LRRC69: variants seen among roughly 807,000 people sequenced by gnomAD.
LRRC69 encodes leucine rich repeat containing 69.
Under a neutral mutation model 37.8 loss-of-function variants are expected in LRRC69, and 42 were observed. That is an observed-to-expected ratio of 1.11 (90% CI 0.87 to 1.44). The LOEUF (loss-of-function observed/expected upper bound fraction) is 1.44. Among genes scored for constraint, LRRC69 ranks in the 40% most tolerant of loss-of-function variants. The pLI is 0.00. For missense variants in LRRC69, 357 were observed against 401.9 expected (o/e 0.89, Z 0.96); for synonymous variants, 141 against 143.1 (o/e 0.99, Z 0.11).
At chr8:91,168,369 C>T (rs1255674991) in intron 5 of LRRC69, among the ~76,000 whole-genome samples, 3 of 151,230 alleles carry the variant, frequency 2.0e-5, no homozygotes, top group Non-Finnish European at 4.4e-5. Flanking sequence ...ACCCCCATCT[C>T]CAGCCCTCCT....
At chr8:91,172,598 C>T (rs1356006662) in intron 5 of LRRC69, among the ~76,000 whole-genome samples, 1 of 152,002 alleles carries the variant, frequency 6.6e-6, no homozygotes, top group Non-Finnish European at 1.5e-5. Context: ...TCACCGCAAC[C>T]TCCACCTCCT....
chr8:91,175,801 G>C (rs1296246123), intron 5 of LRRC69, among the ~76,000 whole-genome samples: 1 of 124,078 alleles, frequency 8.1e-6, no homozygotes, highest in East Asian at 2.2e-4. Context: ...TGAGTAAGAC[G>C]TGACACCACC....
intron 1 of LRRC69, among the ~76,000 whole-genome samples, chr8:91,108,907 G>A (rs1266053005): frequency 6.6e-6 from 1 of 151,804 alleles, no homozygotes; most frequent in African/African-American, 2.4e-5. Flanking sequence ...GAGACTTCCC[G>A]TAACTCTTCC....
chr8:91,122,239 T>G (rs1054856208), intron 1 of LRRC69, among the ~76,000 whole-genome samples: 1 of 151,980 alleles, frequency 6.6e-6, no homozygotes, highest in Non-Finnish European at 1.5e-5. Context: ...TCACCATGAG[T>G]CTCACACTTC....
chr8:91,118,283 T>A (rs1341888999), intron 1 of LRRC69: 1 of 441,474 alleles, frequency 2.3e-6, no homozygotes, highest in Non-Finnish European at 4.5e-6. Flanking sequence ...GGCAGGCGGA[T>A]CACTTGAAAC....
intron 4 of LRRC69, among the ~76,000 whole-genome samples, chr8:91,135,227 C>T (rs540484276): frequency 5.3e-5 from 8 of 152,154 alleles, no homozygotes; most frequent in Admixed American, 2.6e-4. Context: ...TGCTGCCTAG[C>T]TGTAGGGAAT....
chr8:91,139,422 G>T (rs895382648), intron 5 of LRRC69, among the ~76,000 whole-genome samples: 3 of 151,764 alleles, frequency 2.0e-5, no homozygotes, highest in Non-Finnish European at 4.4e-5. Flanking sequence ...GGTGCCTGCA[G>T]TCCCAGCTAC....
intron 5 of LRRC69, chr8:91,158,060 A>G (rs1277729137): frequency 1.5e-6 from 2 of 1,367,212 alleles, no homozygotes; most frequent in African/African-American, 1.4e-5. Flanking sequence ...CATGACCACA[A>G]GGCCCTACTC....
At chr8:91,216,164 G>A (rs35331152) in intron 7 of LRRC69, among the ~76,000 whole-genome samples, 7,917 of 152,106 alleles carry the variant, frequency 0.052, 278 homozygotes, top group Middle Eastern at 0.16. Context: ...AACTAACAAC[G>A]GGCATTTAAT....
chr8:91,116,733 G>A (rs866857866), intron 1 of LRRC69, among the ~76,000 whole-genome samples: 1 of 151,926 alleles, frequency 6.6e-6, no homozygotes, highest in South Asian at 2.1e-4. Context: ...TAAGATCAGG[G>A]TTATTGCGAG....
chr8:91,172,037 T>A (rs895479785), intron 5 of LRRC69, among the ~76,000 whole-genome samples: 1 of 152,010 alleles, frequency 6.6e-6, no homozygotes, highest in African/African-American at 2.4e-5. Context: ...TATTCATACA[T>A]GCTTTGTAAT....
At chr8:91,185,524 AT>A (rs547514103) in intron 5 of LRRC69, among the ~76,000 whole-genome samples, 87 of 152,104 alleles carry the variant, frequency 5.7e-4, no homozygotes, top group African/African-American at 2.0e-3. Flanking sequence ...CTTTCTGACT[AT>A]TTTCCCTCCC....
intron 7 of LRRC69, among the ~76,000 whole-genome samples, chr8:91,204,964 C>T (rs991805391): frequency 2.6e-5 from 4 of 152,136 alleles, no homozygotes; most frequent in African/African-American, 7.2e-5. Flanking sequence ...ATACCCTTTA[C>T]CTAGAGTTGC....
At chr8:91,184,115 C>T (rs557323001) in intron 5 of LRRC69, among the ~76,000 whole-genome samples, 29 of 152,004 alleles carry the variant, frequency 1.9e-4, no homozygotes, top group South Asian at 6.2e-4. Context: ...CCATCTCTGC[C>T]AAAAATACAA....
intron 7 of LRRC69, among the ~76,000 whole-genome samples, chr8:91,216,494 C>G (rs2130655546): frequency 6.6e-6 from 1 of 152,140 alleles, no homozygotes; most frequent in Non-Finnish European, 1.5e-5. Context: ...GTTCTTGGCT[C>G]TATTAATTGT....
At chr8:91,136,673 G>A (rs1263714524) in intron 5 of LRRC69, among the ~76,000 whole-genome samples, 2 of 151,764 alleles carry the variant, frequency 1.3e-5, no homozygotes, top group Non-Finnish European at 2.9e-5. Flanking sequence ...CATTCCCTTT[G>A]TACACCTATT....
At chr8:91,210,084 G>A (rs1393857577) in intron 7 of LRRC69, among the ~76,000 whole-genome samples, 2 of 152,122 alleles carry the variant, frequency 1.3e-5, no homozygotes, top group African/African-American at 2.4e-5. Context: ...AACCAACAAC[G>A]ACTTTGGTGG....
chr8:91,135,560 A>C, intron 4 of LRRC69, 108 bp from the exon 5 acceptor site: 1 of 663,934 alleles, frequency 1.5e-6, no homozygotes, highest in South Asian at 2.1e-5. Context: ...CAGTGATTAG[A>C]AAAGATGGCC....
intron 5 of LRRC69, among the ~76,000 whole-genome samples, chr8:91,144,138 A>G (rs573404596): frequency 2.0e-5 from 3 of 152,048 alleles, no homozygotes; most frequent in Non-Finnish European, 4.4e-5. Flanking sequence ...TTGTCATTTT[A>G]AGGTTTGGTC....
Sources: gnomAD v4.1 joint callset for allele counts (sites outside exome capture counted in the v4.1 genomes callset) on GRCh38, gnomAD v4.1.1 for gene constraint, MANE v1.5 for transcripts, NCBI Gene and HGNC (gene_info 2026-07-23, HGNC 2026-07-21) for gene names.